Variants in SLC29A4 observed in about 807,000 individuals in gnomAD.
SLC29A4 encodes the protein solute carrier family 29 member 4.
A neutral mutation model predicts 43.9 loss-of-function variants in SLC29A4; 36 were observed. The ratio of observed to expected loss-of-function variants is 0.82; its 90% CI spans 0.63 to 1.08. SLC29A4 has a LOEUF of 1.08. Among genes scored for constraint, SLC29A4 ranks in the 50% least tolerant of loss-of-function variants. The pLI is 0.00. For synonymous variants in SLC29A4, 491 were observed against 338.0 expected (o/e 1.45, Z -4.97); for missense variants, 869 against 755.3 (o/e 1.15, Z -1.77).
At chr7:5,294,995 C>T (rs142463937) in intron 6 of SLC29A4, 61 bp downstream of exon 6, 3 of 1,459,672 alleles carry the variant, frequency 2.1e-6, no homozygotes, top group Non-Finnish European at 2.8e-6. Context: ...CTGGAAGCTT[C>T]TTCCCAGGGA....
chr7:5,283,858 C>A lies in SLC29A4; in HGVS notation c.-9+776C>A, dbSNP rs1280054451. On this transcript the variant is annotated intron_variant, in intron 1 of 10. Transcript: ENST00000396872. Reference sequence around the variant, plus strand: ...CGCTTTCCAAGTGGAATTCGGTTCCCCTGGTCCTTCCTGGCTGGCCGGAGG... The same window carrying A: ...CGCTTTCCAAGTGGAATTCGGTTCCACTGGTCCTTCCTGGCTGGCCGGAGG... 2.0e-5 allele frequency among the ~76,000 whole-genome samples: 3 copies of A among 152,284 alleles called. No individual in the cohort carries two copies. In the East Asian group the frequency reaches 5.8e-4, roughly 29 times the overall value.
At chr7:5,286,290 C>T (rs574378362) in intron 1 of SLC29A4, among the ~76,000 whole-genome samples, 1 of 151,950 alleles carries the variant, frequency 6.6e-6, no homozygotes, top group Admixed American at 6.6e-5. Context: ...TTTGGGAGGC[C>T]GAGGCGGGCA....
intron 1 of SLC29A4, among the ~76,000 whole-genome samples, chr7:5,287,325 G>A (rs1456900029): frequency 6.6e-6 from 1 of 151,978 alleles, no homozygotes; most frequent in Non-Finnish European, 1.5e-5. Flanking sequence ...GGCTGAATCA[G>A]GAGGATCCCT....
intron 2 of SLC29A4, 146 bp from the exon 3 acceptor site, chr7:5,290,584 CAG>C: frequency 8.4e-6 from 9 of 1,071,582 alleles, no homozygotes; most frequent in South Asian, 3.6e-5. Context: ...GGCCAGATGA[CAG>C]AGGTATCTGG....
At chr7:5,286,161 G>GT (rs1347018330) in intron 1 of SLC29A4, among the ~76,000 whole-genome samples, 6 of 152,156 alleles carry the variant, frequency 3.9e-5, no homozygotes, top group Non-Finnish European at 7.3e-5. Flanking sequence ...TGTCCTCTCT[G>GT]TTAGCCTCAA....
Position 5,287,877 on chromosome 7 carries a change from G to T in SLC29A4, c.61G>T (p.Gly21Cys), listed in dbSNP as rs1288383920. 4 of 1,611,892 alleles carry T rather than the reference G, an allele frequency of 2.5e-6. No homozygotes were observed. Among genetic ancestry groups the T allele is most frequent in the Non-Finnish European group, 3.4e-6 (4 of 1,179,856 alleles). Reference sequence around the variant, plus strand: ...CAGCGTGGCAGGCACACCAGACCCGGGCGTAGTGATGAGCTTCACCTTCGA... The same window carrying T: ...CAGCGTGGCAGGCACACCAGACCCGTGCGTAGTGATGAGCTTCACCTTCGA... ...EPSVAGTPDP[G>C]VVMSFTFDSH... is the part of the protein sequence containing the mutation. Residue 21 changes from glycine to cysteine, a missense_variant, in exon 2 of 11, where the codon GGC (glycine) becomes TGC (cysteine). Coordinates refer to ENST00000396872, the MANE Select transcript of SLC29A4 (RefSeq NM_153247.4).
At chr7:5,291,485 G>A (rs1785306609) in intron 4 of SLC29A4, among the ~76,000 whole-genome samples, 1 of 152,210 alleles carries the variant, frequency 6.6e-6, no homozygotes, top group Non-Finnish European at 1.5e-5. Flanking sequence ...CCTCTGCACG[G>A]CAACATCCAG....
intron 5 of SLC29A4, among the ~76,000 whole-genome samples, chr7:5,293,185 G>C (rs1266463277): frequency 8.9e-6 from 1 of 112,964 alleles, no homozygotes; most frequent in Admixed American, 1.0e-4. Context: ...TTTTTTTTGA[G>C]ATGGAGTCTT....
rs999516739 is a variant in SLC29A4 at position 5,291,944 on chromosome 7, G to A, written c.544+123G>A. 2.9e-6 allele frequency: 4 copies of A among 1,389,596 alleles called. No homozygotes were observed. The African/African-American group carries it at 5.7e-5, about 20-fold the overall frequency. The allele number at this position is 1,389,596 out of a possible 1,614,324, so 86.1% of individuals were successfully genotyped here. ...GAACCGGGCTGGCTGGGTGCCAGGT[G>A]TGTGTCCACCTGCATGCCAGCGTGC... On this transcript the variant is annotated intron_variant, in intron 5 of 10. Transcript: ENST00000396872.
At chr7:5,285,511 G>A (rs1322307024) in intron 1 of SLC29A4, among the ~76,000 whole-genome samples, 3 of 152,238 alleles carry the variant, frequency 2.0e-5, no homozygotes, top group Non-Finnish European at 4.4e-5. Context: ...CCCCAGTGAG[G>A]CCCCAGGCCC....
intron 7 of SLC29A4, among the ~76,000 whole-genome samples, chr7:5,298,458 G>C (rs1583674234): frequency 6.6e-6 from 1 of 152,132 alleles, no homozygotes; most frequent in Non-Finnish European, 1.5e-5. Flanking sequence ...GGCTGGTAGA[G>C]GGTTCACAGG....
chr7:5,296,989 C>T lies in SLC29A4; in HGVS notation c.673C>T (p.Pro225Ser), dbSNP rs751694210. 3.1e-6 allele frequency: 5 copies of T among 1,603,270 alleles called. No homozygotes were observed. In the African/African-American group the frequency reaches 5.3e-5, roughly 17 times the overall value. The change falls in exon 7 of 11, where the codon CCC (proline) becomes TCC (serine). Residue 225 changes from proline (P) to serine (S), a missense_variant. Transcript: ENST00000396872. ...LSRILTKLLL[P>S]DERASTLIFF... is the part of the protein sequence containing the mutation. ...CCGCATCCTCACGAAGCTGCTGCTG[C>T]CCGACGAGCGCGCCAGCACGCTCAT...
rs1308993461 is a variant in SLC29A4, at chr7:5,299,181, G to A, written c.1021+55G>A. The A allele has an allele frequency of 1.4e-5, 22 of 1,598,592 alleles. No homozygotes were observed. In the Admixed American group the frequency reaches 2.7e-4, roughly 20 times the overall value. On this transcript the variant is annotated intron_variant, in intron 8 of 10. Coordinates refer to ENST00000396872, the MANE Select transcript of SLC29A4 (RefSeq NM_153247.4). ...GCTCTGGCACCCAGGCAGGGGGTGG[G>A]GGAGGCAGGCAGGGGTCCCCGTGGG...
Position 5,290,714 on chromosome 7 carries a change from TG to T in SLC29A4, c.170-16del. ...TGCGTGGAGCGTGCCCCGTCTCACC[TG>T]GTGTCTCTGGCTTTAGCATTGGACG... is the stretch of plus-strand genomic sequence containing the variant. On this transcript the variant is annotated splice_polypyrimidine_tract_variant and intron_variant, in intron 2 of 10. Coordinates refer to ENST00000396872, the MANE Select transcript of SLC29A4 (RefSeq NM_153247.4). 1 of 1,599,682 alleles carries T rather than the reference TG, an allele frequency of 6.3e-7. No homozygotes were observed. The highest frequency in any genetic ancestry group is 1.1e-5 in the South Asian group (1 of 89,728).
intron 5 of SLC29A4, 37 bp downstream of exon 5, chr7:5,291,858 C>A: frequency 6.3e-7 from 1 of 1,588,684 alleles, no homozygotes. Flanking sequence ...CCTTGAGTGC[C>A]CACTTCCGAC....
chr7:5,294,779 AAC>A (rs1453824959), intron 5 of SLC29A4, 79 bp from the exon 6 acceptor site: 18 of 1,446,838 alleles, frequency 1.2e-5, no homozygotes, highest in South Asian at 1.1e-4. Flanking sequence ...CTCGTCCACC[AAC>A]ACAGTTCTCT....
intron 10 of SLC29A4, 96 bp from the exon 11 acceptor site, chr7:5,302,701 G>A (rs536158945): frequency 2.5e-5 from 32 of 1,276,420 alleles, no homozygotes; most frequent in East Asian, 1.3e-4. Flanking sequence ...GGGGCGGCAC[G>A]GTTCAGGCGG....
rs138477882 is a variant in SLC29A4, at chr7:5,299,248, C to A, written c.1030C>A (p.Leu344Met). The A allele has an allele frequency of 5.1e-4, 821 of 1,611,742 alleles. No individual in the cohort carries two copies. The highest frequency in any genetic ancestry group is 7.5e-4 in the Middle Eastern group (4 of 5,330). ...RSWPTFRALL[L>M]HRYVVARVIW... is the part of the protein sequence containing the mutation. ...CGCCCGCCACCCTCCAGCCCTGTTA[C>A]TGCACCGCTACGTGGTGGCGCGGGT... Residue 344 changes from leucine (L) to methionine (M), a missense_variant, in exon 9 of 11, where the codon CTG becomes ATG. By Grantham distance (15) the Leu-to-Met change is conservative. Coordinates refer to ENST00000396872, the MANE Select transcript of SLC29A4 (RefSeq NM_153247.4).
At chr7:5,287,234 G>A (rs1785010648) in intron 1 of SLC29A4, among the ~76,000 whole-genome samples, 1 of 152,122 alleles carries the variant, frequency 6.6e-6, no homozygotes. Flanking sequence ...GCAATGTAGT[G>A]AGACCCCCAA....
Sources: gnomAD v4.1 joint callset for allele counts (sites outside exome capture counted in the v4.1 genomes callset) on GRCh38, gnomAD v4.1.1 for gene constraint, MANE v1.5 for transcripts, NCBI Gene and HGNC (gene_info 2026-07-23, HGNC 2026-07-21) for gene names.